The following PHLDB2 variants were observed in gnomAD, a reference collection of about 807,000 sequenced individuals.
The protein encoded by PHLDB2 is pleckstrin homology-like domain family B member 2.
PHLDB2 carries 71 observed loss-of-function variants against 123.6 expected under a neutral mutation model. The observed-to-expected ratio is 0.57, with a 90% CI of 0.47 to 0.70. PHLDB2 has a LOEUF of 0.70. Ranked by LOEUF, PHLDB2 falls within the 30% of genes least tolerant of loss-of-function variation. The probability of loss-of-function intolerance (pLI) is 0.00; values close to 1 mark genes in which losing one functional copy is unlikely to be tolerated. For synonymous variants in PHLDB2, 547 were observed against 541.6 expected, an observed-to-expected ratio of 1.01 and a Z score of -0.14; for missense variants, 1,446 against 1,519.5, an observed-to-expected ratio of 0.95 and a Z score of 0.80.
At chr3:111,929,754 C>T (rs1187824314) in intron 5 of PHLDB2, among the ~76,000 whole-genome samples, 15 of 152,150 alleles carry the variant, frequency 9.9e-5, no homozygotes, top group Non-Finnish European at 1.5e-5. Flanking sequence ...TGAGCTTTTG[C>T]TCTGGGACCC....
intron 1 of PHLDB2, among the ~76,000 whole-genome samples, chr3:111,756,703 G>T (rs2059896562): frequency 6.6e-6 from 1 of 152,104 alleles, no homozygotes; most frequent in Non-Finnish European, 1.5e-5. Context: ...GATGTTAGCT[G>T]GTTATTTTGC....
At chr3:111,867,940 A>G (rs1036825031) in intron 1 of PHLDB2, among the ~76,000 whole-genome samples, 10 of 151,778 alleles carry the variant, frequency 6.6e-5, no homozygotes, top group Non-Finnish European at 1.5e-4. Context: ...GGCTCCAGTG[A>G]TCTGCCTGCC....
intron 1 of PHLDB2, among the ~76,000 whole-genome samples, chr3:111,742,254 C>T (rs2059615715): frequency 6.6e-6 from 1 of 152,148 alleles, no homozygotes; most frequent in African/African-American, 2.4e-5. Flanking sequence ...CCACTTCCCC[C>T]AGGCCAAAGT....
intron 1 of PHLDB2, among the ~76,000 whole-genome samples, chr3:111,838,198 G>A (rs1215400771): frequency 2.0e-5 from 3 of 152,050 alleles, no homozygotes; most frequent in Non-Finnish European, 2.9e-5. Flanking sequence ...ACAGGTTCTC[G>A]CTATGTTGCC....
chr3:111,871,586 G>A (rs1489685346), intron 1 of PHLDB2, among the ~76,000 whole-genome samples: 4 of 152,146 alleles, frequency 2.6e-5, no homozygotes, highest in East Asian at 1.9e-4. Context: ...CCCGGGAGGC[G>A]GAGGTTGCAG....
intron 6 of PHLDB2, among the ~76,000 whole-genome samples, chr3:111,937,437 G>A (rs1577131784): frequency 6.6e-6 from 1 of 152,154 alleles, no homozygotes; most frequent in East Asian, 1.9e-4. Context: ...GAGCCCAGCT[G>A]CCTCTTCCTT....
chr3:111,875,730 G>A (rs1196685449), intron 1 of PHLDB2, among the ~76,000 whole-genome samples: 1 of 151,274 alleles, frequency 6.6e-6, no homozygotes, highest in Non-Finnish European at 1.5e-5. Context: ...GGCTGAGGCA[G>A]GAGAATCGCT....
intron 1 of PHLDB2, among the ~76,000 whole-genome samples, chr3:111,825,323 G>C (rs2062603394): frequency 6.6e-6 from 1 of 152,216 alleles, no homozygotes; most frequent in Non-Finnish European, 1.5e-5. Context: ...GGTCCTTGGG[G>C]AGACTGTAAG....
At chr3:111,878,837 T>G (rs1313689183) in intron 1 of PHLDB2, among the ~76,000 whole-genome samples, 1 of 152,244 alleles carries the variant, frequency 6.6e-6, no homozygotes, top group Non-Finnish European at 1.5e-5. Context: ...TGGTTCTGAT[T>G]ATGTGATGGA....
rs2064672254 is a variant in PHLDB2, at chr3:111,859,327, C to T, written c.-264C>T. The stretch of plus-strand genomic sequence containing the variant: ...CCCAGTGATGGGGCAAACAGCCATG[C>T]CCTTCCAGCAGCCGTGAAAGCCCCA... On this transcript the variant is annotated 5_prime_UTR_variant, in exon 1 of 18. Transcript: ENST00000431670. The T allele has an allele frequency of 1.0e-6, 1 of 985,584 alleles. No homozygotes were observed. The allele number at this position is 985,584 out of a possible 1,614,324, so 61.1% of individuals were successfully genotyped here.
chr3:111,869,395 C>G (rs1348734740), intron 1 of PHLDB2, among the ~76,000 whole-genome samples: 1 of 151,876 alleles, frequency 6.6e-6, no homozygotes, highest in Non-Finnish European at 1.5e-5. Flanking sequence ...TTGTTCTTTC[C>G]CTAATGGTCT....
At chr3:111,936,136 GA>G (rs2069478311) in intron 6 of PHLDB2, among the ~76,000 whole-genome samples, 1 of 152,140 alleles carries the variant, frequency 6.6e-6, no homozygotes, top group African/African-American at 2.4e-5. Flanking sequence ...ATCAGGCAAA[GA>G]AAACATAAAG....
chr3:111,904,587 G>A (rs931359820), intron 2 of PHLDB2, among the ~76,000 whole-genome samples: 3 of 152,174 alleles, frequency 2.0e-5, no homozygotes, highest in African/African-American at 7.2e-5. Context: ...GAGTTTGGGT[G>A]TGGTGGGTGT....
chr3:111,953,550 ATTT>A (rs1320255960), intron 11 of PHLDB2, among the ~76,000 whole-genome samples: 17 of 152,312 alleles, frequency 1.1e-4, no homozygotes, highest in South Asian at 6.2e-4. Context: ...AAATGGGTGC[ATTT>A]GTAACAAGAG....
In PHLDB2 at chr3:111,808,079, C is replaced by T. The variant is rs191463322; in HGVS notation, c.-48-37742C>T. ...CCCAGCCCAGAAATTCTGATTTCATCGGTCTGGAAAGGGGCTGGGGCATTG... is the reference window on the plus strand; with the variant it reads ...CCCAGCCCAGAAATTCTGATTTCATTGGTCTGGAAAGGGGCTGGGGCATTG... On this transcript the variant is annotated intron_variant, in intron 1 of 17. Coordinates refer to the PHLDB2 transcript ENST00000393923. Among the ~76,000 whole-genome samples, 10 of 151,460 alleles carry T rather than the reference C, an allele frequency of 6.6e-5. No homozygotes were observed. In the East Asian group the frequency reaches 1.6e-3, roughly 24 times the overall value.
At position 111,945,367 on chromosome 3, in the gene PHLDB2, G is replaced by A; in HGVS notation, c.2487+10G>A. The A allele has an allele frequency of 6.4e-7, 1 of 1,554,350 alleles. No individual in the cohort carries two copies. Among genetic ancestry groups the A allele is most frequent in the Non-Finnish European group, 8.9e-7 (1 of 1,128,150 alleles). ...CAATACTTTAAAAGAGGTAAGCTAT[G>A]ATTTTACATGTCGCTTTATGTTGCC... On this transcript the variant is annotated intron_variant, in intron 9 of 17. Transcript: ENST00000431670.
intron 1 of PHLDB2, among the ~76,000 whole-genome samples, chr3:111,780,271 A>AGAAAGAAG (rs34178824): frequency 1.3e-4 from 1 of 7,770 alleles, no homozygotes; most frequent in African/African-American, 4.1e-4. Context: ...AAGAAGAAGA[A>AGAAAGAAG]AAGAAGAAGA....
intron 1 of PHLDB2, among the ~76,000 whole-genome samples, chr3:111,864,048 T>G (rs1268223972): frequency 6.6e-6 from 1 of 152,132 alleles, no homozygotes; most frequent in Non-Finnish European, 1.5e-5. Context: ...GTGGGAGACA[T>G]AAAACCTCTG....
intron 1 of PHLDB2, among the ~76,000 whole-genome samples, chr3:111,773,677 C>A (rs1160181044): frequency 2.0e-5 from 3 of 152,132 alleles, no homozygotes; most frequent in African/African-American, 7.2e-5. Context: ...TGAGTAGGCA[C>A]TTAATAAACT....
Sources: allele counts gnomAD v4.1 joint callset (sites outside exome capture counted in the v4.1 genomes callset), GRCh38; gene constraint gnomAD v4.1.1; transcripts MANE v1.5; gene names NCBI Gene and HGNC (gene_info 2026-07-23, HGNC 2026-07-21).